Variants in CAST observed in about 807,000 individuals in gnomAD.
The protein encoded by CAST is MIR583 host.
A neutral mutation model predicts 119.6 loss-of-function variants in CAST; 76 were observed. That is an observed-to-expected ratio of 0.64 (90% CI 0.53 to 0.77). The LOEUF (loss-of-function observed/expected upper bound fraction) is 0.77, where lower values mean the gene tolerates loss of function less well. Ranked by LOEUF, CAST falls within the 30% of genes least tolerant of loss-of-function variation. CAST has a pLI of 0.00. For synonymous variants in CAST, 319 were observed against 331.6 expected, an observed-to-expected ratio of 0.96 and a Z score of 0.41; for missense variants, 953 against 946.5, an observed-to-expected ratio of 1.01 and a Z score of -0.09.
chr5:96,601,111 C>T (rs1580841137), intron 1 of CAST, among the ~76,000 whole-genome samples: 1 of 152,150 alleles, frequency 6.6e-6, no homozygotes, highest in Non-Finnish European at 1.5e-5. Flanking sequence ...TCTCCTTCAA[C>T]ATCTCCTTCC....
At chr5:96,560,167 A>C (rs1746326952) in intron 1 of CAST, among the ~76,000 whole-genome samples, 1 of 152,088 alleles carries the variant, frequency 6.6e-6, no homozygotes, top group Admixed American at 6.5e-5. Context: ...AGAAAGCTGA[A>C]ACTGGATCCC....
chr5:96,164,916 G>A, the CAST span, among the ~76,000 whole-genome samples: 31 of 152,300 alleles, frequency 2.0e-4, 1 homozygote, highest in South Asian at 6.0e-3. Flanking sequence ...GCCTGGCATG[G>A]GAAAGGTGAG....
chr5:96,554,578 T>TTC (rs1746196416), intron 1 of CAST, among the ~76,000 whole-genome samples: 1 of 152,096 alleles, frequency 6.6e-6, no homozygotes, highest in Non-Finnish European at 1.5e-5. Flanking sequence ...ACTAAAGAGC[T>TTC]TCTGCACAGC....
intron 1 of CAST, among the ~76,000 whole-genome samples, chr5:96,618,719 C>A (rs2611721): frequency 0.83 from 126,981 of 152,174 alleles, 53,083 homozygotes; most frequent in East Asian, 0.94. Flanking sequence ...AAATAGCTCG[C>A]ATTCTTGCCG....
intron 10 of CAST, among the ~76,000 whole-genome samples, chr5:96,736,462 CAAA>C: frequency 7.2e-6 from 1 of 138,794 alleles, no homozygotes; most frequent in Non-Finnish European, 1.7e-5. Context: ...TAAAAAAAAA[CAAA>C]CAAACTCCAG....
At chr5:96,733,827 A>G (rs1255416104) in intron 9 of CAST, among the ~76,000 whole-genome samples, 1 of 152,240 alleles carries the variant, frequency 6.6e-6, no homozygotes, top group Non-Finnish European at 1.5e-5. Context: ...CGGTGAGCCA[A>G]GATCGCACCG....
chr5:96,224,725 A>G, the CAST span, among the ~76,000 whole-genome samples: 2 of 152,206 alleles, frequency 1.3e-5, no homozygotes, highest in Non-Finnish European at 2.9e-5. Context: ...TTAAGCCACC[A>G]ATTTATGATG....
intron 1 of CAST, chr5:96,663,166 G>A (rs1369523937): frequency 1.4e-6 from 1 of 702,680 alleles, no homozygotes; most frequent in Non-Finnish European, 2.6e-6. Flanking sequence ...GGTACAAGAC[G>A]GTAAATAGGA....
intron 3 of CAST, among the ~76,000 whole-genome samples, chr5:96,714,259 T>C (rs1419367665): frequency 6.6e-6 from 1 of 152,230 alleles, no homozygotes; most frequent in Admixed American, 6.5e-5. Flanking sequence ...CAACCAGAAT[T>C]AGGCCTCAGG....
At chr5:96,052,276 C>T in the CAST span, among the ~76,000 whole-genome samples, 1 of 152,216 alleles carries the variant, frequency 6.6e-6, no homozygotes, top group Non-Finnish European at 1.5e-5. Flanking sequence ...GCTCTTCTCA[C>T]TTGGTGGGCT....
At chr5:96,211,930 G>A in the CAST span, among the ~76,000 whole-genome samples, 2 of 152,166 alleles carry the variant, frequency 1.3e-5, no homozygotes, top group African/African-American at 4.8e-5. Flanking sequence ...AATTGCCACA[G>A]TATTCCCATA....
At chr5:96,665,656 CTTCAGGGAG>C (rs1267855204) in intron 1 of CAST, among the ~76,000 whole-genome samples, 1 of 151,952 alleles carries the variant, frequency 6.6e-6, no homozygotes, top group Non-Finnish European at 1.5e-5. Flanking sequence ...TCCAATATAG[CTTCAGGGAG>C]TTCAGAGATT....
the CAST span, among the ~76,000 whole-genome samples, chr5:96,133,954 G>A: frequency 2.6e-5 from 4 of 152,154 alleles, no homozygotes; most frequent in African/African-American, 9.7e-5. Flanking sequence ...TGAAAGTCAA[G>A]GTTCTGTGAG....
the CAST span, chr5:96,412,947 GCC>G: frequency 9.9e-7 from 1 of 1,010,900 alleles, no homozygotes; most frequent in Non-Finnish European, 1.2e-6. Context: ...CCTCCAAGCA[GCC>G]CTCTGGTGAT....
chr5:96,483,117 A>G, the CAST span, among the ~76,000 whole-genome samples: 1 of 152,220 alleles, frequency 6.6e-6, no homozygotes, highest in African/African-American at 2.4e-5. Flanking sequence ...AAGAAAAAAC[A>G]ACACTAAAGA....
intron 6 of CAST, among the ~76,000 whole-genome samples, chr5:96,727,962 G>A (rs1324917658): frequency 6.6e-6 from 1 of 152,096 alleles, no homozygotes; most frequent in Non-Finnish European, 1.5e-5. Context: ...TAAGAGGCTG[G>A]CTGGGTTTAT....
At position 96,640,795 on chromosome 5, in the gene CAST, C is replaced by T. The variant is rs967631311; in HGVS notation, c.61-34744C>T. On this transcript the variant is annotated intron_variant, in intron 1 of 11. Transcript: ENST00000505143. ...TATGCTTGATGGGGAAGAATCATGA[C>T]GTTAGGAGAGGGAGGTGGCTCTCTG... Among the ~76,000 whole-genome samples the T allele has an allele frequency of 3.9e-5, 6 of 152,134 alleles. No homozygotes were observed. In the South Asian group the frequency reaches 6.2e-4, roughly 16 times the overall value.
intron 1 of CAST, among the ~76,000 whole-genome samples, chr5:96,561,084 G>C (rs263397): frequency 0.34 from 51,275 of 151,156 alleles, 9,311 homozygotes; most frequent in Middle Eastern, 0.46. Flanking sequence ...GCATCATTCT[G>C]AGCAAACTAT....
chr5:96,737,807 G>A, intron 10 of CAST, 42 bp from the exon 11 acceptor site: 1 of 1,143,760 alleles, frequency 8.7e-7, no homozygotes, highest in Non-Finnish European at 1.3e-6. Flanking sequence ...GGTGAAATAT[G>A]TATAACAAAT....
Sources: allele counts gnomAD v4.1 joint callset (sites outside exome capture counted in the v4.1 genomes callset), GRCh38; gene constraint gnomAD v4.1.1; transcripts MANE v1.5; gene names NCBI Gene and HGNC (gene_info 2026-07-23, HGNC 2026-07-21).